KIAA0232: variants seen among roughly 807,000 people sequenced by gnomAD.
The protein encoded by KIAA0232 is uncharacterized protein KIAA0232.
KIAA0232 carries 27 observed loss-of-function variants against 122.0 expected under a neutral mutation model. That is an observed-to-expected ratio of 0.22 (90% confidence interval 0.16 to 0.31). KIAA0232 has a LOEUF of 0.31. KIAA0232 is among the 10% of genes least tolerant of loss of function. The pLI is 1.00. For synonymous variants in KIAA0232, 613 were observed against 587.6 expected, an observed-to-expected ratio of 1.04 and a Z score of -0.63; for missense variants, 1,551 against 1,634.2, an observed-to-expected ratio of 0.95 and a Z score of 0.88.
At chr4:6,848,089 A>T (rs796818195) in intron 4 of KIAA0232, among the ~76,000 whole-genome samples, 9 of 152,308 alleles carry the variant, frequency 5.9e-5, no homozygotes, top group African/African-American at 2.2e-4. Context: ...TGGGGAGCTG[A>T]CCAGTCCTAT....
chr4:6,858,441 A>G lies in KIAA0232; in HGVS notation c.453A>G (p.Lys151=). The G allele has an allele frequency of 6.2e-7, 1 of 1,601,586 alleles. No homozygotes were observed. The highest frequency in any genetic ancestry group is 1.3e-5 in the African/African-American group (1 of 74,310). ...LQSKQEEKIH[K]KLEGSPSPEA... ...TCATAACAGAAGAGAAGATTCACAA[A>G]AAGTTAGAGGGGTCTCCCTCTCCAG... Residue 151 remains lysine, a synonymous_variant, in exon 6 of 10, where the codon AAA becomes AAG. Coordinates refer to ENST00000307659, the MANE Select transcript of KIAA0232 (RefSeq NM_014743.3).
intron 3 of KIAA0232, among the ~76,000 whole-genome samples, chr4:6,838,654 T>C (rs753294423): frequency 9.9e-5 from 15 of 152,066 alleles, no homozygotes; most frequent in East Asian, 1.9e-4. Flanking sequence ...TGTTAAGATA[T>C]ATGCCAACTG....
intron 2 of KIAA0232, among the ~76,000 whole-genome samples, chr4:6,815,682 T>G (rs1390031171): frequency 6.6e-6 from 1 of 152,208 alleles, no homozygotes; most frequent in African/African-American, 2.4e-5. Flanking sequence ...GCCTTTACTT[T>G]CTTTTTCTTT....
Position 6,857,159 on chromosome 4 carries a change from T to A in KIAA0232, c.370-5T>A. 1 of 1,602,750 alleles carries A rather than the reference T, an allele frequency of 6.2e-7. No individual in the cohort carries two copies. The highest frequency in any genetic ancestry group is 1.7e-4 in the Middle Eastern group (1 of 6,016). On this transcript the variant is annotated splice_region_variant and splice_polypyrimidine_tract_variant and intron_variant, in intron 4 of 9. Coordinates refer to ENST00000307659, the MANE Select transcript of KIAA0232 (RefSeq NM_014743.3). ...AACCTAATGTGTCTTTTTGTTGTCATGCAGAGCTCTGGTATCGAGACTTTA... is the reference window on the plus strand; with the variant it reads ...AACCTAATGTGTCTTTTTGTTGTCAAGCAGAGCTCTGGTATCGAGACTTTA...
rs899541772 is a variant in KIAA0232 at position 6,837,283 on chromosome 4, G to A, written c.232-4784G>A. Among the ~76,000 whole-genome samples the A allele has an allele frequency of 5.3e-5, 8 of 151,100 alleles. No homozygotes were observed. In the East Asian group the frequency reaches 7.8e-4, roughly 15 times the overall value. On this transcript the variant is annotated intron_variant, in intron 3 of 9. Coordinates refer to ENST00000307659, the MANE Select transcript of KIAA0232 (RefSeq NM_014743.3). ...CTCACCTCCCAGACGGGTTGGCGGC[G>A]GGGCAGAGACGCTCCTCAGTTCCCA... is the stretch of plus-strand genomic sequence containing the variant.
At chr4:6,810,799 A>G (rs1187397626) in intron 2 of KIAA0232, among the ~76,000 whole-genome samples, 2 of 152,226 alleles carry the variant, frequency 1.3e-5, no homozygotes, top group Admixed American at 1.3e-4. Flanking sequence ...TTAAAAGAAG[A>G]CATACACATG....
Position 6,860,985 on chromosome 4 carries a change from T to C in KIAA0232, c.603T>C (p.Cys201=), listed in dbSNP as rs766884256. The C allele has an allele frequency of 1.9e-5, 31 of 1,614,066 alleles. No homozygotes were observed. Among genetic ancestry groups the C allele is most frequent in the Non-Finnish European group, 2.6e-5 (31 of 1,180,020 alleles). The change falls in exon 7 of 10, where the codon TGT becomes TGC. Residue 201 remains cysteine, a synonymous_variant. Transcript: ENST00000307659. Reference sequence around the variant, plus strand: ...CTGTGTGGAACAAGTCTAAAGTCTGTTCTTACTCTAGCTCTTCTTCATCAT... The same window carrying C: ...CTGTGTGGAACAAGTCTAAAGTCTGCTCTTACTCTAGCTCTTCTTCATCAT... ...IMTVWNKSKV[C]SYSSSSSSST...
rs1722187832 is a variant in KIAA0232 at position 6,883,855 on chromosome 4, T to G, written c.*2889T>G. 1 of 152,244 alleles carries G rather than the reference T, an allele frequency of 6.6e-6. No individual in the cohort carries two copies. Among genetic ancestry groups the G allele is most frequent in the South Asian group, 2.1e-4 (1 of 4,834 alleles). 9.4% of individuals were successfully genotyped at this position (152,244 alleles called of 1,614,324 possible). On this transcript the variant is annotated 3_prime_UTR_variant, in exon 10 of 10. Coordinates refer to ENST00000307659, the MANE Select transcript of KIAA0232 (RefSeq NM_014743.3). ...GCAAGCCCCTTTCCAGGATTCTGAA[T>G]GTACAGTATATATGAATGCATACAC...
chr4:6,846,645 C>T (rs1216264087), intron 4 of KIAA0232, among the ~76,000 whole-genome samples: 2 of 151,902 alleles, frequency 1.3e-5, no homozygotes, highest in Non-Finnish European at 2.9e-5. Flanking sequence ...TCACTGGCCT[C>T]TTGGGGAGCC....
chr4:6,797,579 G>A (rs1289669871), intron 1 of KIAA0232, among the ~76,000 whole-genome samples: 2 of 150,222 alleles, frequency 1.3e-5, no homozygotes, highest in African/African-American at 4.9e-5. Flanking sequence ...AGACCAGCCT[G>A]GGCAACATAG....
chr4:6,846,237 A>C (rs1394651108), intron 4 of KIAA0232, among the ~76,000 whole-genome samples: 1 of 152,068 alleles, frequency 6.6e-6, no homozygotes, highest in Non-Finnish European at 1.5e-5. Flanking sequence ...GAATGAGGAG[A>C]GTCTTCAAGT....
At chr4:6,834,352 A>G (rs1254506317) in intron 3 of KIAA0232, among the ~76,000 whole-genome samples, 1 of 152,238 alleles carries the variant, frequency 6.6e-6, no homozygotes. Flanking sequence ...CTGATAATAT[A>G]GTTAGAGGAA....
intron 2 of KIAA0232, among the ~76,000 whole-genome samples, chr4:6,814,430 C>T (rs953544795): frequency 6.6e-6 from 1 of 151,170 alleles, no homozygotes; most frequent in South Asian, 2.1e-4. Flanking sequence ...TTCTAAAAGG[C>T]TAACATATTT....
intron 4 of KIAA0232, among the ~76,000 whole-genome samples, chr4:6,850,487 A>G (rs1720216554): frequency 6.6e-6 from 1 of 152,070 alleles, no homozygotes; most frequent in Non-Finnish European, 1.5e-5. Context: ...TATTTTTGTA[A>G]CTTCTTTTAG....
chr4:6,834,517 G>A (rs1328821173), intron 3 of KIAA0232, among the ~76,000 whole-genome samples: 1 of 152,144 alleles, frequency 6.6e-6, no homozygotes, highest in Admixed American at 6.5e-5. Context: ...AAGATAAGCT[G>A]CTGATACAGT....
intron 1 of KIAA0232, among the ~76,000 whole-genome samples, chr4:6,799,797 C>G (rs1330298615): frequency 6.6e-6 from 1 of 151,846 alleles, no homozygotes; most frequent in East Asian, 1.9e-4. Flanking sequence ...TGGGTTCAAG[C>G]GATTCTCCTG....
At chr4:6,866,363 GT>G in intron 7 of KIAA0232, 1 of 254,600 alleles carries the variant, frequency 3.9e-6, no homozygotes, top group Non-Finnish European at 6.2e-6. Flanking sequence ...TTGTCTGATA[GT>G]TTAGATGTTG....
chr4:6,879,456 C>T (rs999363941), intron 9 of KIAA0232, among the ~76,000 whole-genome samples: 149 of 152,296 alleles, frequency 9.8e-4, no homozygotes, highest in African/African-American at 3.4e-3. Context: ...CTCCCCGCCA[C>T]GCCTCTACAG....
intron 3 of KIAA0232, among the ~76,000 whole-genome samples, chr4:6,838,899 C>A (rs528647363): frequency 6.6e-6 from 1 of 152,206 alleles, no homozygotes; most frequent in East Asian, 1.9e-4. Flanking sequence ...GAGGCCGAGG[C>A]GGGCAGATCA....
Sources: gnomAD v4.1 joint callset for allele counts (sites outside exome capture counted in the v4.1 genomes callset) on GRCh38, gnomAD v4.1.1 for gene constraint, MANE v1.5 for transcripts, NCBI Gene and HGNC (gene_info 2026-07-23, HGNC 2026-07-21) for gene names.